CD163L1: variants seen among roughly 807,000 people sequenced by gnomAD.
CD163L1 encodes scavenger receptor cysteine-rich type 1 protein M160.
Under a neutral mutation model 165.4 loss-of-function variants are expected in CD163L1, and 124 were observed. That is an observed-to-expected ratio of 0.75 (90% confidence interval 0.65 to 0.87). The LOEUF (loss-of-function observed/expected upper bound fraction) is 0.87, where lower values mean the gene tolerates loss of function less well. Among genes scored for constraint, CD163L1 ranks in the 40% least tolerant of loss-of-function variants. CD163L1 has a pLI of 0.00. For synonymous variants in CD163L1, 585 were observed against 662.2 expected (o/e 0.88, Z 1.79); for missense variants, 1,525 against 1,799.9 (o/e 0.85, Z 2.76).
intron 4 of CD163L1, among the ~76,000 whole-genome samples, chr12:7,431,290 G>A (rs1948623424): frequency 6.6e-6 from 1 of 151,950 alleles, no homozygotes; most frequent in Admixed American, 6.6e-5. Context: ...GGTTGCGGGT[G>A]CCTGCAGTTC....
At chr12:7,330,947 T>C in the CD163L1 span, among the ~76,000 whole-genome samples, 1 of 152,046 alleles carries the variant, frequency 6.6e-6, no homozygotes, top group East Asian at 1.9e-4. Context: ...TGCAGGACAG[T>C]GGGTACAGTG....
chr12:7,374,639 T>C lies in CD163L1; in HGVS notation c.3212A>G (p.His1071Arg), dbSNP rs1228643911. The change falls in exon 13 of 20, where the codon CAC becomes CGC. Residue 1071 changes from histidine (H) to arginine (R), a missense_variant. Coordinates refer to ENST00000313599, the MANE Select transcript of CD163L1 (RefSeq NM_174941.6). This position sits in a 1 kb window ranked among gnomAD's most constrained non-coding sequence, Gnocchi z 5.4. ...CDDGWDLSDAHVVCQKLGCGV... is the reference protein window; with the variant it reads ...CDDGWDLSDARVVCQKLGCGV... The stretch of plus-strand genomic sequence containing the variant: ...ACAGCCCAGCTTTTGACACACCACG[T>C]GGGCATCGCTCAGGTCCCAGCCGTC... The C allele has an allele frequency of 6.2e-7, 1 of 1,614,104 alleles. No individual in the cohort carries two copies. Among genetic ancestry groups the C allele is most frequent in the African/African-American group, 1.3e-5 (1 of 74,936 alleles).
At chr12:7,431,194 G>A (rs1302815301) in intron 4 of CD163L1, among the ~76,000 whole-genome samples, 2 of 152,050 alleles carry the variant, frequency 1.3e-5, no homozygotes, top group African/African-American at 4.8e-5. Flanking sequence ...AGGCTGAGGC[G>A]GGCAGATCAC....
Position 7,369,345 on chromosome 12 carries a change from T to G in CD163L1, c.4039+12A>C. On this transcript the variant is annotated intron_variant, in intron 15 of 19. Coordinates refer to ENST00000313599, the MANE Select transcript of CD163L1 (RefSeq NM_174941.6). The surrounding 1 kb of genome is among the most constrained non-coding windows in gnomAD (Gnocchi z 4.9). ...GGGAGGCTCAGTTTAAGTGCAGCCT[T>G]TTCACACTTACCAGAGCACCTCACG... The G allele has an allele frequency of 1.2e-6, 2 of 1,611,394 alleles. No homozygotes were observed. Among genetic ancestry groups the G allele is most frequent in the South Asian group, 2.2e-5 (2 of 90,760 alleles).
At position 7,347,770 on chromosome 12, in the gene CD163L1, CA is replaced by C. The variant is rs386375519; in HGVS notation, c.*25-624del. On this transcript the variant is annotated intron_variant, in intron 4 of 4. Coordinates refer to the CD163L1 transcript ENST00000539726. The surrounding 1 kb of genome is among the most constrained non-coding windows in gnomAD (Gnocchi z 4.2). ...TGGGTGACAGAGCGAGACTCCGTCT[CA>C]AAAAAAAAAAGAAAAAGAAATGGTC... Among the ~76,000 whole-genome samples, 104 of 131,420 alleles carry C rather than the reference CA, an allele frequency of 7.9e-4. No individual in the cohort carries two copies. The South Asian group carries it at 0.012, about 15-fold the overall frequency. 86.2% of individuals were successfully genotyped at this position (131,420 alleles called of 152,430 possible). A position where few individuals can be genotyped will look rare whatever the true frequency, so the allele number is the denominator to read the frequency against.
intron 2 of CD163L1, among the ~76,000 whole-genome samples, chr12:7,437,266 A>ATACTATTTAAAT (rs59173245): frequency 3.9e-5 from 5 of 128,916 alleles, no homozygotes; most frequent in African/African-American, 6.5e-5. Context: ...TAGTATTTAA[A>ATACTATTTAAAT]AGTATTACTT....
At chr12:7,421,193 A>ATATG (rs1299051285) in intron 4 of CD163L1, among the ~76,000 whole-genome samples, 2 of 135,012 alleles carry the variant, frequency 1.5e-5, no homozygotes, top group East Asian at 4.2e-4. Flanking sequence ...ATGTGTATAT[A>ATATG]TGTATATATA....
chr12:7,421,454 T>C (rs1286077874), intron 4 of CD163L1, among the ~76,000 whole-genome samples: 2 of 114,874 alleles, frequency 1.7e-5, no homozygotes, highest in African/African-American at 7.4e-5. Context: ...TACATATATG[T>C]ACATATATAC....
the CD163L1 span, among the ~76,000 whole-genome samples, chr12:7,340,104 G>A: frequency 6.6e-6 from 1 of 152,042 alleles, no homozygotes; most frequent in South Asian, 2.1e-4. Context: ...TCACAGAGAG[G>A]GAACACGCTA....
chr12:7,375,897 T>C lies in CD163L1; in HGVS notation c.2489A>G (p.Asn830Ser), dbSNP rs748164646. 9 of 1,614,090 alleles carry C rather than the reference T, an allele frequency of 5.6e-6. No individual in the cohort carries two copies. Among genetic ancestry groups the C allele is most frequent in the Admixed American group, 5.0e-5 (3 of 60,006 alleles). Residue 830 changes from asparagine to serine, a missense_variant, in exon 10 of 20, where the codon AAT becomes AGT. Transcript: ENST00000313599. Reference protein sequence around the residue: ...CDSDFSLHAANVLCRELNCGD... With the variant: ...CDSDFSLHAASVLCRELNCGD... ...ACAGTTTAATTCTCTGCACAGCACA[T>C]TGGCAGCATGAAGAGAGAAATCAGA...
At chr12:7,435,799 C>G (rs1948705815) in intron 2 of CD163L1, among the ~76,000 whole-genome samples, 1 of 151,876 alleles carries the variant, frequency 6.6e-6, no homozygotes, top group Admixed American at 6.6e-5. Context: ...TAACTATTGA[C>G]AGGATAATAG....
downstream of CD163L1, among the ~76,000 whole-genome samples, chr12:7,345,558 A>G (rs945325154): frequency 2.0e-5 from 3 of 152,080 alleles, no homozygotes; most frequent in Non-Finnish European, 2.9e-5. Context: ...ACATCTTCCT[A>G]TCTTCTTCTG....
chr12:7,403,681 C>G lies in CD163L1; in HGVS notation c.1262G>C (p.Arg421Pro). 1 of 1,614,076 alleles carries G rather than the reference C, an allele frequency of 6.2e-7. No individual in the cohort carries two copies. Among genetic ancestry groups the G allele is most frequent in the Non-Finnish European group, 8.5e-7 (1 of 1,179,978 alleles). Residue 421 changes from arginine to proline, a missense_variant, in exon 6 of 20, where the codon CGT becomes CCT. Physicochemically the swap from Arg to Pro is moderately radical, Grantham distance 103. Transcript: ENST00000313599. The part of the protein sequence containing the change: ...GCPFSVFGSR[R>P]AKPSNEARDI... ...TCTAGCTTCATTACTAGGTTTAGCA[C>G]GACGACTGCCAAAGACGCTGAACGG...
chr12:7,375,204 C>T (rs1947238692), intron 11 of CD163L1, 77 bp downstream of exon 11: 6 of 1,468,804 alleles, frequency 4.1e-6, no homozygotes, highest in Non-Finnish European at 5.6e-6. Context: ...TCTTACTCAT[C>T]TTTCCTTTAA....
Position 7,411,539 on chromosome 12 carries a change from C to A in CD163L1, c.767-4687G>T, listed in dbSNP as rs57288439. ...AGAACCTGGCACCTGGCACCTCCCC[C>A]ACCACCTTGCTCCCTTCTCTCTTGC... On this transcript the variant is annotated intron_variant, in intron 4 of 19. Coordinates refer to ENST00000313599, the MANE Select transcript of CD163L1 (RefSeq NM_174941.6). Among the ~76,000 whole-genome samples the A allele has an allele frequency of 5.3e-3, 810 of 152,268 alleles. 4 individuals are homozygous for A. Among genetic ancestry groups the A allele is most frequent in the African/African-American group, 0.019 (776 of 41,538 alleles).
intron 4 of CD163L1, among the ~76,000 whole-genome samples, chr12:7,421,796 G>T (rs1948445608): frequency 6.8e-6 from 1 of 148,094 alleles, no homozygotes; most frequent in African/African-American, 2.5e-5. Flanking sequence ...AAGTAACTCA[G>T]GAATGGAAAA....
At chr12:7,345,512 C>T (rs943486057), downstream of CD163L1, among the ~76,000 whole-genome samples, 1 of 152,232 alleles carries the variant, frequency 6.6e-6, no homozygotes, top group African/African-American at 2.4e-5. Flanking sequence ...TGGTCACAAC[C>T]ATTTAACCAG....
chr12:7,434,933 TTC>T (rs1792510419), intron 2 of CD163L1, among the ~76,000 whole-genome samples: 1 of 152,174 alleles, frequency 6.6e-6, no homozygotes, highest in Non-Finnish European at 1.5e-5. Context: ...TTCCTTATAT[TTC>T]TCTTTCTCAG....
chr12:7,368,219 A>G lies in CD163L1; in HGVS notation c.4073-22T>C. On this transcript the variant is annotated intron_variant, in intron 16 of 19. Coordinates refer to ENST00000313599, the MANE Select transcript of CD163L1 (RefSeq NM_174941.6). This position sits in a 1 kb window ranked among gnomAD's most constrained non-coding sequence, Gnocchi z 4.3. ...TGACCTGTATAGAAATTAAGCATTG[A>G]TAAGTATTAAACTAGTAGATATCAA... 3 of 1,356,996 alleles carry G rather than the reference A, an allele frequency of 2.2e-6. No individual in the cohort carries two copies. The highest frequency in any genetic ancestry group is 3.2e-6 in the Non-Finnish European group (3 of 948,686). The allele number at this position is 1,356,996 out of a possible 1,614,324, so 84.1% of individuals were successfully genotyped here. A position where few individuals can be genotyped will look rare whatever the true frequency, so the allele number is the denominator to read the frequency against.
Sources: gnomAD v4.1 joint callset for allele counts (sites outside exome capture counted in the v4.1 genomes callset) on GRCh38, gnomAD v4.1.1 for gene constraint, Gnocchi (gnomAD v3.1) non-coding constraint, MANE v1.5 for transcripts, NCBI Gene and HGNC (gene_info 2026-07-23, HGNC 2026-07-21) for gene names.